The following TMPRSS15 variants were observed in gnomAD, a reference collection of about 807,000 sequenced individuals.
The protein encoded by TMPRSS15 is enteropeptidase.
TMPRSS15 carries 128 observed loss-of-function variants against 125.3 expected under a neutral mutation model. The ratio of observed to expected loss-of-function variants is 1.02; its 90% CI spans 0.89 to 1.18. TMPRSS15 has a LOEUF of 1.18. Among genes scored for constraint, TMPRSS15 ranks in the 50% most tolerant of loss-of-function variants. TMPRSS15 has a pLI of 0.00. For synonymous variants in TMPRSS15, 446 were observed against 423.2 expected (o/e 1.05, Z -0.66); for missense variants, 1,283 against 1,212.7 (o/e 1.06, Z -0.86).
chr21:18,396,432 G>A (rs2076036674), intron 3 of TMPRSS15, among the ~76,000 whole-genome samples: 1 of 151,996 alleles, frequency 6.6e-6, no homozygotes, highest in African/African-American at 2.4e-5. Context: ...TATTTAAGGC[G>A]GAATAATTGC....
In TMPRSS15 at chr21:18,295,199, G is replaced by A. The variant is rs546226419; in HGVS notation, c.2262-547C>T. 3.3e-5 allele frequency among the ~76,000 whole-genome samples: 5 copies of A among 152,282 alleles called. No homozygotes were observed. In the South Asian group the frequency reaches 6.2e-4, roughly 19 times the overall value. Reference sequence around the variant, plus strand: ...TGCTGCTTTCAAGGAAGGCAGACACGTAAGAAGCACATATAAAAGAAAGCA... The same window carrying A: ...TGCTGCTTTCAAGGAAGGCAGACACATAAGAAGCACATATAAAAGAAAGCA... On this transcript the variant is annotated intron_variant, in intron 19 of 24. Transcript: ENST00000284885.
intron 1 of TMPRSS15, among the ~76,000 whole-genome samples, chr21:18,484,413 A>G (rs987558283): frequency 2.6e-5 from 4 of 151,878 alleles, no homozygotes; most frequent in African/African-American, 9.7e-5. Flanking sequence ...GTTTAGTAGC[A>G]TAATTGTAGA....
chr21:18,476,694 G>A (rs1211713965), intron 1 of TMPRSS15, among the ~76,000 whole-genome samples: 2 of 152,090 alleles, frequency 1.3e-5, no homozygotes, highest in African/African-American at 4.8e-5. Context: ...TGGGTTTACA[G>A]GACCTAAAGA....
chr21:18,365,274 A>C (rs2075716238), intron 6 of TMPRSS15, 26 bp from the exon 7 acceptor site: 1 of 1,565,162 alleles, frequency 6.4e-7, no homozygotes, highest in African/African-American at 1.4e-5. Context: ...AATTAATGTT[A>C]GACAAAAACA....
chr21:18,317,436 G>T (rs1011458156), intron 16 of TMPRSS15, among the ~76,000 whole-genome samples: 2 of 140,498 alleles, frequency 1.4e-5, no homozygotes, highest in Non-Finnish European at 3.1e-5. Context: ...ATTTGAGGGG[G>T]GGTGTTTTTA....
intron 18 of TMPRSS15, among the ~76,000 whole-genome samples, chr21:18,309,648 C>A (rs191636279): frequency 6.6e-6 from 1 of 152,204 alleles, no homozygotes; most frequent in East Asian, 1.9e-4. Context: ...CAAAAGAAGA[C>A]ATTTATGCAG....
Position 18,484,535 on chromosome 21 carries a change from T to C in TMPRSS15, c.10+1264A>G, listed in dbSNP as rs1979042208. On this transcript the variant is annotated intron_variant, in intron 1 of 7. Coordinates refer to the TMPRSS15 transcript ENST00000422787. ...TCCTTCTCTCTAAAAAAAAAATTTTTATTCATTCATTCATTCATTCATCTG... is the reference window on the plus strand; with the variant it reads ...TCCTTCTCTCTAAAAAAAAAATTTTCATTCATTCATTCATTCATTCATCTG... Among the ~76,000 whole-genome samples, 3 of 151,806 alleles carry C rather than the reference T, an allele frequency of 2.0e-5. No homozygotes were observed. The South Asian group carries it at 6.2e-4, about 31-fold the overall frequency.
chr21:18,315,038 G>T, intron 17 of TMPRSS15, 108 bp downstream of exon 17: 1 of 870,120 alleles, frequency 1.1e-6, no homozygotes, highest in Non-Finnish European at 1.9e-6. Context: ...TCGTTCCAAA[G>T]CATCAAAACA....
chr21:18,405,624 TAGGG>T (rs2076147691), upstream of TMPRSS15, among the ~76,000 whole-genome samples: 1 of 152,106 alleles, frequency 6.6e-6, no homozygotes, highest in Non-Finnish European at 1.5e-5. Context: ...ATGAAAAACG[TAGGG>T]CATTAATAAT....
intron 1 of TMPRSS15, among the ~76,000 whole-genome samples, chr21:18,457,084 A>C (rs184557163): frequency 6.6e-6 from 1 of 152,238 alleles, no homozygotes. Flanking sequence ...AAAGTACTTG[A>C]CCTATCTAAG....
At chr21:18,417,096 G>C (rs181745553) in intron 1 of TMPRSS15, among the ~76,000 whole-genome samples, 4 of 152,170 alleles carry the variant, frequency 2.6e-5, no homozygotes, top group African/African-American at 9.6e-5. Context: ...CATGTCAATT[G>C]TAACATTTCA....
intron 1 of TMPRSS15, among the ~76,000 whole-genome samples, chr21:18,459,946 A>C (rs1478806868): frequency 6.6e-6 from 1 of 152,204 alleles, no homozygotes; most frequent in Non-Finnish European, 1.5e-5. Flanking sequence ...GCTATAATAC[A>C]TGAATTTTTA....
chr21:18,419,633 C>T (rs943198384), intron 1 of TMPRSS15, among the ~76,000 whole-genome samples: 1 of 152,122 alleles, frequency 6.6e-6, no homozygotes, highest in Non-Finnish European at 1.5e-5. Context: ...GCTTTCCTCC[C>T]CGAAATTTTA....
At chr21:18,413,921 T>A (rs1431353934) in intron 1 of TMPRSS15, among the ~76,000 whole-genome samples, 1 of 152,188 alleles carries the variant, frequency 6.6e-6, no homozygotes, top group Non-Finnish European at 1.5e-5. Flanking sequence ...AGAGACAGGC[T>A]CATAATGCAC....
intron 21 of TMPRSS15, among the ~76,000 whole-genome samples, chr21:18,292,905 G>A (rs1011676634): frequency 2.0e-5 from 3 of 152,192 alleles, no homozygotes; most frequent in Non-Finnish European, 4.4e-5. Flanking sequence ...AGGCAGCAAA[G>A]TCAAGAGGGT....
intron 21 of TMPRSS15, among the ~76,000 whole-genome samples, chr21:18,287,394 C>T (rs2074778183): frequency 6.6e-6 from 1 of 152,126 alleles, no homozygotes; most frequent in Non-Finnish European, 1.5e-5. Flanking sequence ...TCCCACCCCA[C>T]CCAGCTCTTT....
rs975004472 is a variant in TMPRSS15 at position 18,398,423 on chromosome 21, G to A, written c.146-94C>T. On this transcript the variant is annotated intron_variant, in intron 1 of 24. Coordinates refer to ENST00000284885, the MANE Select transcript of TMPRSS15 (RefSeq NM_002772.3). ...GTTAAGACATAGAAGTAAAGCTCTC[G>A]CCTGATGTGTTAGCTCTGTAGTTCT... The A allele has an allele frequency of 6.1e-6, 8 of 1,314,900 alleles. No homozygotes were observed. In the East Asian group the frequency reaches 7.0e-5, roughly 12 times the overall value. The allele number at this position is 1,314,900 out of a possible 1,614,324, so 81.5% of individuals were successfully genotyped here.
chr21:18,270,164 T>C (rs1031106149), intron 24 of TMPRSS15, 40 bp from the exon 25 acceptor site: 1 of 1,546,204 alleles, frequency 6.5e-7, no homozygotes, highest in Non-Finnish European at 8.9e-7. Context: ...AGATATGTGG[T>C]CAATTGATCG....
intron 16 of TMPRSS15, among the ~76,000 whole-genome samples, chr21:18,322,604 G>A (rs1003901333): frequency 3.3e-5 from 5 of 152,170 alleles, no homozygotes; most frequent in African/African-American, 1.2e-4. Context: ...AGGACATTAT[G>A]TTAAGTGAAA....
Sources: allele counts gnomAD v4.1 joint callset (sites outside exome capture counted in the v4.1 genomes callset), GRCh38; gene constraint gnomAD v4.1.1; transcripts MANE v1.5; gene names NCBI Gene and HGNC (gene_info 2026-07-23, HGNC 2026-07-21).